Variants in PARP9 observed in about 807,000 individuals in gnomAD.
PARP9 encodes the protein poly(ADP-ribose) polymerase family member 9, also known as protein mono-ADP-ribosyltransferase PARP9.
A neutral mutation model predicts 68.8 loss-of-function variants in PARP9; 48 were observed. The observed-to-expected ratio is 0.70, with a 90% CI of 0.55 to 0.89. The LOEUF is 0.89. PARP9 is among the 40% of genes least tolerant of loss of function. The pLI is 0.00. For missense variants in PARP9, 806 were observed against 969.3 expected (o/e 0.83, Z 2.24); for synonymous variants, 309 against 333.8 (o/e 0.93, Z 0.81).
At chr3:122,552,684 T>A (rs751629947) in intron 4 of PARP9, 45 bp from the exon 5 acceptor site, 1 of 1,403,740 alleles carries the variant, frequency 7.1e-7, no homozygotes, top group Non-Finnish European at 1.0e-6. Context: ...AATTCCTTCT[T>A]CTTAAATGAC....
At chr3:122,530,574 C>G (rs1052975622) in intron 10 of PARP9, among the ~76,000 whole-genome samples, 1 of 152,128 alleles carries the variant, frequency 6.6e-6, no homozygotes, top group Non-Finnish European at 1.5e-5. Context: ...TTCTGGATCT[C>G]GAAGTAATCC....
chr3:122,530,365 A>T (rs1002789670), intron 10 of PARP9, among the ~76,000 whole-genome samples: 1 of 152,058 alleles, frequency 6.6e-6, no homozygotes, highest in African/African-American at 2.4e-5. Flanking sequence ...CCTCATGAAG[A>T]ATCTCCACGT....
chr3:122,541,139 C>A (rs2078197883), intron 7 of PARP9, among the ~76,000 whole-genome samples: 1 of 152,168 alleles, frequency 6.6e-6, no homozygotes. Context: ...ATCTGCCTGC[C>A]TCGGCCTCCC....
chr3:122,561,899 C>T (rs9811581), intron 1 of PARP9, among the ~76,000 whole-genome samples: 78,347 of 151,984 alleles, frequency 0.52, 20,820 homozygotes, highest in East Asian at 0.67. Context: ...AAGTAGACCT[C>T]TTATCTCCTG....
intron 3 of PARP9, among the ~76,000 whole-genome samples, chr3:122,557,322 G>A (rs900698663): frequency 2.9e-5 from 1 of 34,164 alleles, no homozygotes; most frequent in African/African-American, 6.8e-5. Context: ...ACCAGCCAAT[G>A]AGCACTGATA....
chr3:122,563,657 CTG>C (rs2080428777), intron 1 of PARP9, among the ~76,000 whole-genome samples: 1 of 152,142 alleles, frequency 6.6e-6, no homozygotes, highest in African/African-American at 2.4e-5. Context: ...CAGGCCCACT[CTG>C]TGCTTCAGAC....
intron 10 of PARP9, among the ~76,000 whole-genome samples, chr3:122,530,563 A>AT (rs1289057196): frequency 2.0e-5 from 3 of 152,170 alleles, no homozygotes; most frequent in Non-Finnish European, 2.9e-5. Flanking sequence ...TGAGGGCCAA[A>AT]TTCTGGATCT....
At chr3:122,563,826 C>G (rs1245444433) in intron 1 of PARP9, among the ~76,000 whole-genome samples, 1 of 152,106 alleles carries the variant, frequency 6.6e-6, no homozygotes, top group African/African-American at 2.4e-5. Context: ...CCCTCACCAG[C>G]CCTTGACATC....
chr3:122,537,705 C>T (rs997436458), intron 8 of PARP9, among the ~76,000 whole-genome samples: 1 of 152,112 alleles, frequency 6.6e-6, no homozygotes, highest in African/African-American at 2.4e-5. Flanking sequence ...CATATACCAC[C>T]CAATGAAGAA....
chr3:122,556,074 G>C lies in PARP9; in HGVS notation c.97C>G (p.His33Asp). Residue 33 changes from histidine (H) to aspartate (D), a missense_variant, in exon 4 of 11, where the codon CAC becomes GAC. His to Asp is a moderately conservative substitution (Grantham distance 81). This residue lies in a region of PARP9 where 126 missense variants were observed against 110.5 expected (regional missense o/e 1.14). Transcript: ENST00000682323. ...TTTTTTAAAATTTTGAAGTCATTGT[G>C]GTTAATGGGAATTTGCCAACTATAG... ...ENYSWQIPIN[H>D]NDFKILKNNE... 1 of 1,519,956 alleles carries C rather than the reference G, an allele frequency of 6.6e-7. No individual in the cohort carries two copies. The highest frequency in any genetic ancestry group is 1.1e-5 in the South Asian group (1 of 89,594). 94.2% of individuals were successfully genotyped at this position (1,519,956 alleles called of 1,614,324 possible).
Position 122,550,677 on chromosome 3 carries a change from C to G in PARP9, c.1233G>C (p.Leu411Phe). Residue 411 changes from leucine (L) to phenylalanine (F), a missense_variant, in exon 6 of 11, where the codon TTG (leucine) becomes TTC (phenylalanine). Around this residue, in one of 2 missense-constraint regions of PARP9, gnomAD observed 680 missense variants for 858.8 expected, o/e 0.79. Coordinates refer to ENST00000682323, the MANE Select transcript of PARP9 (RefSeq NM_001146105.2). ...EIKKETAAEI[L>F]FDEVLTFAKD... ...TGGCAAATGTTAAAACTTCATCAAA[C>G]AAAATCTCTGCTGCTGTTTCCTTCT... The G allele has an allele frequency of 6.2e-7, 1 of 1,614,144 alleles. No individual in the cohort carries two copies. The highest frequency in any genetic ancestry group is 8.5e-7 in the Non-Finnish European group (1 of 1,180,016).
At chr3:122,529,349 C>T (rs1430336305) in intron 10 of PARP9, among the ~76,000 whole-genome samples, 4 of 151,382 alleles carry the variant, frequency 2.6e-5, no homozygotes, top group Non-Finnish European at 5.9e-5. Context: ...AGTAACTCCA[C>T]GTAAAAGACA....
chr3:122,560,213 A>C (rs1341106809), intron 1 of PARP9, among the ~76,000 whole-genome samples: 1 of 152,190 alleles, frequency 6.6e-6, no homozygotes, highest in African/African-American at 2.4e-5. Context: ...ATAGGGGTAT[A>C]TCTGGTTAAA....
chr3:122,541,694 C>T (rs886072084), intron 7 of PARP9, among the ~76,000 whole-genome samples: 1 of 152,212 alleles, frequency 6.6e-6, no homozygotes, highest in African/African-American at 2.4e-5. Context: ...CAGGATTCCT[C>T]ACAACCTTAT....
intron 7 of PARP9, among the ~76,000 whole-genome samples, chr3:122,545,176 C>T (rs1266774213): frequency 2.6e-5 from 4 of 152,172 alleles, no homozygotes; most frequent in Admixed American, 2.6e-4. Flanking sequence ...TTATAGATAT[C>T]TATTTATGAA....
chr3:122,532,595 A>G (rs1451533949), intron 10 of PARP9: 1 of 208,788 alleles, frequency 4.8e-6, no homozygotes, highest in East Asian at 1.8e-4. Context: ...AAAGGAAATG[A>G]GTTCTATGCC....
chr3:122,534,188 T>C (rs2077486098), intron 10 of PARP9: 1 of 810,566 alleles, frequency 1.2e-6, no homozygotes, highest in Admixed American at 6.2e-5. Context: ...TATAAAGACA[T>C]AAACTTAACC....
intron 4 of PARP9, among the ~76,000 whole-genome samples, chr3:122,555,016 C>T (rs957673075): frequency 6.6e-6 from 1 of 151,610 alleles, no homozygotes; most frequent in Non-Finnish European, 1.5e-5. Flanking sequence ...CATGACCAGC[C>T]TATTTTAAAA....
intron 10 of PARP9, among the ~76,000 whole-genome samples, chr3:122,529,628 C>T (rs1379049233): frequency 6.6e-6 from 1 of 152,050 alleles, no homozygotes; most frequent in African/African-American, 2.4e-5. Flanking sequence ...GTTGGGGGCG[C>T]CTGTAGTCCC....
Sources: gnomAD v4.1 joint callset for allele counts (sites outside exome capture counted in the v4.1 genomes callset) on GRCh38, gnomAD v4.1.1 for gene constraint, gnomAD v4.1.1 regional missense constraint, MANE v1.5 for transcripts, NCBI Gene and HGNC (gene_info 2026-07-23, HGNC 2026-07-21) for gene names.